Variants in CXADR observed in about 807,000 individuals in gnomAD.
CXADR encodes CXADR cell adhesion molecule.
In CXADR, 20 loss-of-function variants were observed where a neutral mutation model predicts 40.3. The ratio of observed to expected loss-of-function variants is 0.50; its 90% CI spans 0.35 to 0.72. The LOEUF is 0.72. CXADR is among the 30% of genes least tolerant of loss of function. The probability of loss-of-function intolerance (pLI) is 0.01; values close to 1 mark genes in which losing one functional copy is unlikely to be tolerated. For missense variants in CXADR, 332 were observed against 449.1 expected (o/e 0.74, Z 2.36); for synonymous variants, 150 against 161.3 (o/e 0.93, Z 0.53).
At chr21:17,592,462 G>A (rs1988986421) in intron 7 of CXADR, among the ~76,000 whole-genome samples, 1 of 151,678 alleles carries the variant, frequency 6.6e-6, no homozygotes, top group South Asian at 2.1e-4. Flanking sequence ...CTACAGATGA[G>A]GACCAATTTG....
intron 7 of CXADR, among the ~76,000 whole-genome samples, chr21:17,579,585 G>A (rs1229905839): frequency 6.6e-6 from 1 of 152,100 alleles, no homozygotes; most frequent in Non-Finnish European, 1.5e-5. Context: ...CGCCCCGCCG[G>A]TCTCACTTTT....
chr21:17,580,674 A>T (rs1601055863), intron 7 of CXADR, among the ~76,000 whole-genome samples: 1 of 152,216 alleles, frequency 6.6e-6, no homozygotes, highest in African/African-American at 2.4e-5. Context: ...TCAGACTTTT[A>T]CATCTGACCC....
chr21:17,564,795 C>T (rs529578002), intron 6 of CXADR, among the ~76,000 whole-genome samples: 13 of 152,186 alleles, frequency 8.5e-5, no homozygotes, highest in Admixed American at 2.0e-4. Context: ...AGTGCTGTGG[C>T]GCAATCTTGG....
intron 7 of CXADR, among the ~76,000 whole-genome samples, chr21:17,590,552 T>C (rs2061427818): frequency 6.6e-6 from 1 of 152,024 alleles, no homozygotes; most frequent in Non-Finnish European, 1.5e-5. Context: ...CATGAGTGCT[T>C]GTGTGACAAC....
At chr21:17,601,892 A>T in the CXADR span, among the ~76,000 whole-genome samples, 1 of 152,188 alleles carries the variant, frequency 6.6e-6, no homozygotes, top group Non-Finnish European at 1.5e-5. Flanking sequence ...GATTTCTTTG[A>T]CACCTAGTTT....
chr21:17,555,116 T>A (rs1393266323), intron 3 of CXADR, among the ~76,000 whole-genome samples: 1 of 152,210 alleles, frequency 6.6e-6, no homozygotes, highest in African/African-American at 2.4e-5. Context: ...AGAAGGTTAC[T>A]GTTGTGGCCA....
intron 1 of CXADR, among the ~76,000 whole-genome samples, chr21:17,542,531 T>C (rs2060842922): frequency 6.6e-6 from 1 of 152,114 alleles, no homozygotes; most frequent in South Asian, 2.1e-4. Context: ...AAGATCCAAG[T>C]GATTTAGAAA....
the CXADR span, among the ~76,000 whole-genome samples, chr21:17,634,881 G>A: frequency 0.011 from 1,745 of 152,210 alleles, 31 homozygotes; most frequent in African/African-American, 0.04. Flanking sequence ...TAAGCATCCT[G>A]AGTAGTTAGA....
the CXADR span, among the ~76,000 whole-genome samples, chr21:17,603,491 C>G: frequency 1.1e-4 from 17 of 152,156 alleles, no homozygotes; most frequent in Non-Finnish European, 1.8e-4. Context: ...GAAGAATAAT[C>G]ATGTAATTCA....
the CXADR span, among the ~76,000 whole-genome samples, chr21:17,600,439 T>A: frequency 1.3e-5 from 2 of 152,236 alleles, no homozygotes; most frequent in African/African-American, 4.8e-5. Flanking sequence ...GTTAATTCAT[T>A]TCAAGATAGC....
downstream of CXADR, among the ~76,000 whole-genome samples, chr21:17,574,659 G>A (rs529961355): frequency 1.3e-5 from 2 of 152,226 alleles, no homozygotes; most frequent in South Asian, 4.2e-4. Flanking sequence ...AAGCCTTAAG[G>A]CAGATTTTAG....
intron 1 of CXADR, among the ~76,000 whole-genome samples, chr21:17,536,610 G>A (rs775049220): frequency 6.6e-6 from 1 of 152,114 alleles, no homozygotes; most frequent in African/African-American, 2.4e-5. Flanking sequence ...GAGGAAGCAC[G>A]TTCACTTCCA....
At chr21:17,614,955 T>G in the CXADR span, among the ~76,000 whole-genome samples, 2 of 152,110 alleles carry the variant, frequency 1.3e-5, no homozygotes, top group African/African-American at 2.4e-5. Context: ...CACAAATGAA[T>G]TGGTATGGCA....
chr21:17,557,166 G>A (rs932133445), intron 3 of CXADR, among the ~76,000 whole-genome samples: 11 of 152,130 alleles, frequency 7.2e-5, no homozygotes, highest in Admixed American at 2.6e-4. Flanking sequence ...TTTATCAGCC[G>A]GAAGGACAGA....
chr21:17,564,017 AAAAAC>A (rs200440006), intron 6 of CXADR, among the ~76,000 whole-genome samples: 2,585 of 151,524 alleles, frequency 0.017, 19 homozygotes, highest in Non-Finnish European at 0.025. Flanking sequence ...TTTGTAAAGA[AAAAAC>A]AAAACAAAAC....
chr21:17,559,668 G>GTTTTTTTTTTTTT lies in CXADR; in HGVS notation c.571+537_571+538insTTTTTTTTTTTTT, dbSNP rs1491548660. 5.6e-5 allele frequency among the ~76,000 whole-genome samples: 6 copies of GTTTTTTTTTTTTT among 106,218 alleles called. 1 individual carries two copies. Among genetic ancestry groups the GTTTTTTTTTTTTT allele is most frequent in the African/African-American group, 3.8e-5 (1 of 26,620 alleles). The allele number at this position is 106,218 out of a possible 152,430, so 69.7% of individuals were successfully genotyped here. On this transcript the variant is annotated intron_variant, in intron 4 of 6. Transcript: ENST00000284878. ...TTAGTTACTTTGGTACTTTTTTTTG[G>GTTTTTTTTTTTTT]GTTTTTTTTTTTTTTTTTTTTTTCC...
chr21:17,632,161 G>A, the CXADR span, among the ~76,000 whole-genome samples: 3 of 152,188 alleles, frequency 2.0e-5, no homozygotes, highest in Non-Finnish European at 4.4e-5. Flanking sequence ...GAGAATTTGA[G>A]TATAAATAAC....
the CXADR span, among the ~76,000 whole-genome samples, chr21:17,606,114 T>A: frequency 9.2e-5 from 14 of 152,208 alleles, no homozygotes. Flanking sequence ...ATAATAAGCA[T>A]TTTAAAAAAT....
chr21:17,528,401 C>T (rs573559439), intron 1 of CXADR, among the ~76,000 whole-genome samples: 7 of 148,440 alleles, frequency 4.7e-5, no homozygotes, highest in South Asian at 4.3e-4. Flanking sequence ...TTTTTTCCCA[C>T]GCTAAACCAG....
Sources: gnomAD v4.1 joint callset for allele counts (sites outside exome capture counted in the v4.1 genomes callset) on GRCh38, gnomAD v4.1.1 for gene constraint, MANE v1.5 for transcripts, NCBI Gene and HGNC (gene_info 2026-07-23, HGNC 2026-07-21) for gene names.